Variants in FRMD4A observed in about 807,000 individuals in gnomAD.
The protein encoded by FRMD4A is FERM domain containing 4A.
Under a neutral mutation model 129.1 loss-of-function variants are expected in FRMD4A, and 29 were observed. That is an observed-to-expected ratio of 0.22 (90% confidence interval 0.17 to 0.31). The LOEUF (loss-of-function observed/expected upper bound fraction) is 0.31, where lower values mean the gene tolerates loss of function less well. FRMD4A is among the 10% of genes least tolerant of loss of function. The probability of loss-of-function intolerance (pLI) is 1.00; values close to 1 mark genes in which losing one functional copy is unlikely to be tolerated. For synonymous variants in FRMD4A, 634 were observed against 571.6 expected (o/e 1.11, Z -1.56); for missense variants, 1,272 against 1,375.8 (o/e 0.92, Z 1.19).
intron 2 of FRMD4A, among the ~76,000 whole-genome samples, chr10:14,023,172 C>A (rs554570432): frequency 7.2e-5 from 11 of 152,278 alleles, no homozygotes; most frequent in Admixed American, 2.6e-4. Flanking sequence ...GGACGCTCTC[C>A]CTTCTGGACG....
At chr10:14,063,786 C>T (rs745771462) in intron 2 of FRMD4A, among the ~76,000 whole-genome samples, 20 of 152,040 alleles carry the variant, frequency 1.3e-4, no homozygotes, top group Admixed American at 3.3e-4. Context: ...TTCTAAACTC[C>T]TTAGGATTTC....
In FRMD4A at chr10:13,802,777, T is replaced by C. The variant is rs569334549; in HGVS notation, c.207-6189A>G. Among the ~76,000 whole-genome samples, 192 of 152,106 alleles carry C rather than the reference T, an allele frequency of 1.3e-3. 1 individual carries two copies. The highest frequency in any genetic ancestry group is 4.4e-3 in the African/African-American group (183 of 41,496). The stretch of plus-strand genomic sequence containing the variant: ...GTGTTAGTCACCACACGTGGCCAAG[T>C]GTATGAAATGCTTATAGATGTTGCT... On this transcript the variant is annotated intron_variant, in intron 4 of 24. Coordinates refer to ENST00000357447, the MANE Select transcript of FRMD4A (RefSeq NM_018027.5).
intron 2 of FRMD4A, among the ~76,000 whole-genome samples, chr10:14,276,320 G>A (rs1197407841): frequency 6.6e-6 from 1 of 152,194 alleles, no homozygotes; most frequent in African/African-American, 2.4e-5. Flanking sequence ...AGCTACGTGT[G>A]ACCAGCTTCA....
chr10:14,017,882 T>C (rs2095704183), intron 2 of FRMD4A, among the ~76,000 whole-genome samples: 1 of 152,230 alleles, frequency 6.6e-6, no homozygotes. Flanking sequence ...GAATATGGTT[T>C]ATGTTGAATG....
chr10:13,904,311 T>C (rs1019244917), intron 2 of FRMD4A, among the ~76,000 whole-genome samples: 2 of 152,198 alleles, frequency 1.3e-5, no homozygotes, highest in Non-Finnish European at 2.9e-5. Context: ...GCCGTACATC[T>C]GCGCGGAAAA....
intron 2 of FRMD4A, among the ~76,000 whole-genome samples, chr10:14,257,026 A>C (rs1456859473): frequency 4.6e-5 from 7 of 152,234 alleles, no homozygotes; most frequent in African/African-American, 1.4e-4. Context: ...TTTACTCTAG[A>C]TTTTTGAAAG....
chr10:13,694,087 G>GA (rs753305332), intron 14 of FRMD4A, 48 bp from the exon 15 acceptor site: 3 of 1,473,422 alleles, frequency 2.0e-6, no homozygotes, highest in Non-Finnish European at 2.7e-6. Flanking sequence ...TCACCTTGCG[G>GA]AAAGGACAGT....
chr10:13,901,613 A>C (rs1299592010), intron 2 of FRMD4A, among the ~76,000 whole-genome samples: 1 of 151,864 alleles, frequency 6.6e-6, no homozygotes, highest in Non-Finnish European at 1.5e-5. Flanking sequence ...CATCTCAAAA[A>C]AAAAAAAAAA....
chr10:14,213,533 A>G (rs981686302), intron 2 of FRMD4A, among the ~76,000 whole-genome samples: 2 of 152,186 alleles, frequency 1.3e-5, no homozygotes, highest in African/African-American at 2.4e-5. Flanking sequence ...TCTCAAAGTG[A>G]CCAGTCCTGA....
At chr10:14,247,443 T>G (rs1844281444) in intron 2 of FRMD4A, among the ~76,000 whole-genome samples, 1 of 152,180 alleles carries the variant, frequency 6.6e-6, no homozygotes, top group African/African-American at 2.4e-5. Context: ...ACATTAAAAT[T>G]CTTGCCATTT....
At chr10:14,251,976 A>G (rs1844456722) in intron 2 of FRMD4A, among the ~76,000 whole-genome samples, 1 of 152,250 alleles carries the variant, frequency 6.6e-6, no homozygotes, top group African/African-American at 2.4e-5. Flanking sequence ...AAAGCATGAG[A>G]ATAGAAAAGA....
chr10:14,002,439 T>C (rs1009231435), intron 2 of FRMD4A, among the ~76,000 whole-genome samples: 3 of 152,198 alleles, frequency 2.0e-5, no homozygotes, highest in African/African-American at 7.2e-5. Context: ...CCACCAGAGA[T>C]AATGGGACTT....
At chr10:13,793,240 C>T (rs1022008502) in intron 5 of FRMD4A, among the ~76,000 whole-genome samples, 10 of 150,832 alleles carry the variant, frequency 6.6e-5, no homozygotes, top group Non-Finnish European at 1.5e-4. Context: ...GGCACAATCT[C>T]TGCTCACTGT....
intron 2 of FRMD4A, among the ~76,000 whole-genome samples, chr10:13,886,930 A>T (rs940367434): frequency 7.9e-5 from 12 of 152,260 alleles, no homozygotes; most frequent in Non-Finnish European, 1.5e-4. Flanking sequence ...ATTGCTAAGA[A>T]GGCAGGAGCA....
At position 13,821,050 on chromosome 10, in the gene FRMD4A, G is replaced by A. The variant is rs1416153741; in HGVS notation, c.112-10142C>T. ...CGGGTCTGAAGCCTGGGCTGTCACT[G>A]TGTGTCCCTCTCCATCCCCATGGGG... is the stretch of plus-strand genomic sequence containing the variant. On this transcript the variant is annotated intron_variant, in intron 3 of 24. Coordinates refer to ENST00000357447, the MANE Select transcript of FRMD4A (RefSeq NM_018027.5). The surrounding 1 kb of genome is among the most constrained non-coding windows in gnomAD (Gnocchi z 4.3). Among the ~76,000 whole-genome samples, 1 of 152,218 alleles carries A rather than the reference G, an allele frequency of 6.6e-6. No homozygotes were observed. The highest frequency in any genetic ancestry group is 1.5e-5 in the Non-Finnish European group (1 of 68,030).
intron 2 of FRMD4A, among the ~76,000 whole-genome samples, chr10:14,093,116 G>A (rs936747409): frequency 6.6e-6 from 1 of 152,180 alleles, no homozygotes; most frequent in Non-Finnish European, 1.5e-5. Flanking sequence ...CAGAGGCCGT[G>A]GAATGACTGT....
intron 2 of FRMD4A, among the ~76,000 whole-genome samples, chr10:14,260,065 G>A (rs752834863): frequency 1.9e-4 from 29 of 150,518 alleles, no homozygotes; most frequent in South Asian, 8.3e-4. Context: ...TTATTTTTTG[G>A]CAGCTAACCC....
chr10:14,050,443 A>G (rs1008770396), intron 2 of FRMD4A, among the ~76,000 whole-genome samples: 2 of 152,190 alleles, frequency 1.3e-5, no homozygotes, highest in South Asian at 4.1e-4. Context: ...ACAAATTACC[A>G]TTGTGGTATA....
intron 2 of FRMD4A, among the ~76,000 whole-genome samples, chr10:14,021,372 T>C (rs980295062): frequency 4.1e-5 from 6 of 144,738 alleles, no homozygotes; most frequent in African/African-American, 1.1e-4. Context: ...CAAGACCTCA[T>C]CTCCACAAAA....
Sources: allele counts gnomAD v4.1 joint callset (sites outside exome capture counted in the v4.1 genomes callset), GRCh38; gene constraint gnomAD v4.1.1; non-coding constraint Gnocchi (gnomAD v3.1); transcripts MANE v1.5; gene names NCBI Gene and HGNC (gene_info 2026-07-23, HGNC 2026-07-21).